FOXP1: variants seen among roughly 807,000 people sequenced by gnomAD.
FOXP1 encodes forkhead box P1.
FOXP1 carries 15 observed loss-of-function variants against 98.2 expected under a neutral mutation model. The observed-to-expected ratio is 0.15, with a 90% CI of 0.10 to 0.24. The LOEUF (loss-of-function observed/expected upper bound fraction) is 0.24, where lower values mean the gene tolerates loss of function less well. Ranked by LOEUF, FOXP1 falls within the 10% of genes least tolerant of loss-of-function variation. The probability of loss-of-function intolerance (pLI) is 1.00; values close to 1 mark genes in which losing one functional copy is unlikely to be tolerated. For synonymous variants in FOXP1, 371 were observed against 314.5 expected (o/e 1.18, Z -1.90); for missense variants, 633 against 848.5 (o/e 0.75, Z 3.15).
At chr3:71,518,361 A>G (rs1433405409) in intron 2 of FOXP1, among the ~76,000 whole-genome samples, 1 of 152,180 alleles carries the variant, frequency 6.6e-6, no homozygotes, top group Non-Finnish European at 1.5e-5. Flanking sequence ...CCCCATGCTT[A>G]TTTGCTTAAA....
At chr3:71,324,614 C>T (rs1237325163) in intron 4 of FOXP1, among the ~76,000 whole-genome samples, 10 of 139,520 alleles carry the variant, frequency 7.2e-5, no homozygotes, top group African/African-American at 2.6e-4. Flanking sequence ...CGAGGCCTGT[C>T]GTGGGGTGGG....
intron 13 of FOXP1, among the ~76,000 whole-genome samples, chr3:70,988,437 T>C (rs2040104785): frequency 6.6e-6 from 1 of 152,202 alleles, no homozygotes; most frequent in Admixed American, 6.5e-5. Flanking sequence ...ACCCATAAAT[T>C]CATCTGTTGT....
At chr3:71,466,222 C>T (rs983189003) in intron 3 of FOXP1, among the ~76,000 whole-genome samples, 1 of 152,144 alleles carries the variant, frequency 6.6e-6, no homozygotes, top group Admixed American at 6.5e-5. Flanking sequence ...GACTGCTGCT[C>T]GACAGTACCC....
Position 70,958,864 on chromosome 3 carries a change from G to A in FOXP1, c.*383C>T, listed in dbSNP as rs912811488. 1.8e-5 allele frequency: 7 copies of A among 398,410 alleles called. No individual in the cohort carries two copies. The highest frequency in any genetic ancestry group is 1.0e-4 in the African/African-American group (5 of 49,574). 24.7% of individuals were successfully genotyped at this position (398,410 alleles called of 1,614,324 possible). On this transcript the variant is annotated 3_prime_UTR_variant, in exon 21 of 21. Transcript: ENST00000649528. Reference sequence around the variant, plus strand: ...GGCAAAGGCTTGGTCTGCAGCTTAGGTGCACAAGCTCTGTCGGGCGTCCTC... The same window carrying A: ...GGCAAAGGCTTGGTCTGCAGCTTAGATGCACAAGCTCTGTCGGGCGTCCTC...
intron 3 of FOXP1, among the ~76,000 whole-genome samples, chr3:71,446,332 G>A (rs1577560587): frequency 6.6e-6 from 1 of 152,220 alleles, no homozygotes; most frequent in East Asian, 1.9e-4. Context: ...TATGTTGTTG[G>A]CAGCCCAGGA....
chr3:71,197,830 T>A, intron 6 of FOXP1: 1 of 1,559,836 alleles, frequency 6.4e-7, no homozygotes, highest in South Asian at 1.1e-5. Flanking sequence ...TTCACAGGCT[T>A]AAGCCTGTTT....
At chr3:71,521,836 C>T (rs533896854) in intron 2 of FOXP1, among the ~76,000 whole-genome samples, 1 of 152,220 alleles carries the variant, frequency 6.6e-6, no homozygotes, top group East Asian at 1.9e-4. Context: ...TCGGCTCTGG[C>T]ATCTGTATCC....
intron 5 of FOXP1, among the ~76,000 whole-genome samples, chr3:71,203,084 G>C (rs1400200295): frequency 1.3e-5 from 2 of 152,122 alleles, no homozygotes; most frequent in South Asian, 2.1e-4. Context: ...TGAATACAAA[G>C]GTATGGCCAC....
chr3:71,032,841 TAAG>T (rs1393862624), intron 11 of FOXP1, among the ~76,000 whole-genome samples: 1 of 152,174 alleles, frequency 6.6e-6, no homozygotes, highest in African/African-American at 2.4e-5. Flanking sequence ...TCATTTATTA[TAAG>T]AATAGGACTT....
intron 11 of FOXP1, 49 bp downstream of exon 11, chr3:71,041,279 C>A (rs776408426): frequency 6.6e-7 from 1 of 1,517,756 alleles, no homozygotes; most frequent in Non-Finnish European, 9.1e-7. Flanking sequence ...CCACCCACCC[C>A]TCTCATGTTA....
chr3:71,078,785 A>G (rs1559883964), intron 7 of FOXP1, among the ~76,000 whole-genome samples: 1 of 151,994 alleles, frequency 6.6e-6, no homozygotes, highest in Non-Finnish European at 1.5e-5. Context: ...GAGGACGAGG[A>G]AAGACCCACA....
intron 3 of FOXP1, among the ~76,000 whole-genome samples, chr3:71,381,305 C>T (rs1033472211): frequency 3.9e-5 from 6 of 152,062 alleles, no homozygotes; most frequent in Admixed American, 2.0e-4. Context: ...CGCCTGCCAC[C>T]GCGCCCGGCT....
chr3:71,541,042 T>A (rs995350057), intron 2 of FOXP1, among the ~76,000 whole-genome samples: 1 of 152,206 alleles, frequency 6.6e-6, no homozygotes, highest in Non-Finnish European at 1.5e-5. Context: ...TGGCTTTGAG[T>A]CCTGAATCTG....
chr3:71,447,570 A>G (rs536305487), intron 3 of FOXP1, among the ~76,000 whole-genome samples: 7 of 152,346 alleles, frequency 4.6e-5, no homozygotes, highest in African/African-American at 7.2e-5. Flanking sequence ...GCCTATGTCC[A>G]GTTACCAGAC....
At chr3:71,198,433 A>T in intron 5 of FOXP1, 41 bp from the exon 6 acceptor site, 1 of 1,010,858 alleles carries the variant, frequency 9.9e-7, no homozygotes, top group Non-Finnish European at 1.5e-6. Flanking sequence ...GGAGGGGGGG[A>T]GAAAAAAAAA....
chr3:71,348,544 T>TAC (rs2077537865), intron 4 of FOXP1, among the ~76,000 whole-genome samples: 1 of 126,962 alleles, frequency 7.9e-6, no homozygotes, highest in East Asian at 2.2e-4. Flanking sequence ...TGTGTGTGTG[T>TAC]GTGTGCGTGC....
chr3:71,448,898 G>T (rs1335368571), intron 3 of FOXP1, among the ~76,000 whole-genome samples: 1 of 152,144 alleles, frequency 6.6e-6, no homozygotes, highest in African/African-American at 2.4e-5. Context: ...TTTCATGGAG[G>T]ACACTTGCAA....
chr3:71,107,448 TTC>T (rs200686718), intron 7 of FOXP1, among the ~76,000 whole-genome samples: 1,741 of 152,292 alleles, frequency 0.011, 31 homozygotes, highest in African/African-American at 0.039. Context: ...TCTAAAATAT[TTC>T]TGTTTTATTA....
intron 4 of FOXP1, among the ~76,000 whole-genome samples, chr3:71,341,917 G>C (rs1335448434): frequency 6.6e-6 from 1 of 152,188 alleles, no homozygotes; most frequent in Admixed American, 6.5e-5. Flanking sequence ...GCTTGTGGTA[G>C]AACATGCATG....
Sources: allele counts gnomAD v4.1 joint callset (sites outside exome capture counted in the v4.1 genomes callset), GRCh38; gene constraint gnomAD v4.1.1; transcripts MANE v1.5; gene names NCBI Gene and HGNC (gene_info 2026-07-23, HGNC 2026-07-21).